Variants in CEACAM21 observed in about 807,000 individuals in gnomAD.
CEACAM21 encodes the protein cell adhesion molecule CEACAM21.
In CEACAM21, 38 loss-of-function variants were observed where a neutral mutation model predicts 33.2. That is an observed-to-expected ratio of 1.14 (90% CI 0.88 to 1.50). The LOEUF is 1.50. Among genes scored for constraint, CEACAM21 ranks in the 40% most tolerant of loss-of-function variants. The probability of loss-of-function intolerance (pLI) is 0.00; values close to 1 mark genes in which losing one functional copy is unlikely to be tolerated. For synonymous variants in CEACAM21, 156 were observed against 143.0 expected (o/e 1.09, Z -0.65); for missense variants, 385 against 364.6 (o/e 1.06, Z -0.46).
At chr19:41,586,129 T>A in intron 6 of CEACAM21, 1 of 602,490 alleles carries the variant, frequency 1.7e-6, no homozygotes, top group Non-Finnish European at 3.0e-6. Flanking sequence ...CCCTGTCCCC[T>A]GACACCCCTC....
chr19:41,559,123 T>C (rs1306587365), intron 1 of CEACAM21, among the ~76,000 whole-genome samples: 2 of 152,222 alleles, frequency 1.3e-5, no homozygotes, highest in Non-Finnish European at 2.9e-5. Context: ...ATTTATGTAT[T>C]TTACTGGAAG....
intron 2 of CEACAM21, chr19:41,565,521 C>T (rs1411975139): frequency 6.6e-6 from 1 of 152,604 alleles, no homozygotes; most frequent in Non-Finnish European, 1.4e-5. Context: ...GGGAGATTTA[C>T]ATCTCCAGTC....
At chr19:41,562,263 A>G (rs1426615771) in intron 1 of CEACAM21, among the ~76,000 whole-genome samples, 1 of 147,806 alleles carries the variant, frequency 6.8e-6, no homozygotes, top group Non-Finnish European at 1.5e-5. Flanking sequence ...AAAACAAAAC[A>G]AAGAAAGAAA....
At chr19:41,553,841 A>G (rs1158837008) in intron 1 of CEACAM21, 1 of 152,128 alleles carries the variant, frequency 6.6e-6, no homozygotes, top group African/African-American at 2.4e-5. Context: ...TAAAATAACC[A>G]GTTTTTCAAA....
chr19:41,576,200 C>T lies in CEACAM21; in HGVS notation c.-75C>T. On this transcript the variant is annotated 5_prime_UTR_variant, in exon 1 of 7. Coordinates refer to ENST00000401445, the MANE Select transcript of CEACAM21 (RefSeq NM_001098506.4). ...GGAAGGACAGCAGAGACAACAGTCA[C>T]AGTAACCCTGTCTAGAGCGTTCCTG... is the stretch of plus-strand genomic sequence containing the variant. The T allele has an allele frequency of 6.4e-7, 1 of 1,551,600 alleles. No homozygotes were observed. The highest frequency in any genetic ancestry group is 8.9e-7 in the Non-Finnish European group (1 of 1,125,452).
intron 1 of CEACAM21, 43 bp from the exon 2 acceptor site, chr19:41,577,157 A>G (rs2043008908): frequency 6.2e-7 from 1 of 1,612,044 alleles, no homozygotes; most frequent in South Asian, 1.1e-5. Flanking sequence ...TTCCATGCCA[A>G]TGCATAGGTC....
chr19:41,552,908 G>A (rs1555784733), intron 1 of CEACAM21, among the ~76,000 whole-genome samples: 1 of 152,112 alleles, frequency 6.6e-6, no homozygotes, highest in Non-Finnish European at 1.5e-5. Context: ...CACAGCTTAG[G>A]TTTCAGTGAT....
chr19:41,584,318 A>C, intron 3 of CEACAM21, 29 bp from the exon 4 acceptor site: 304 of 1,436,966 alleles, frequency 2.1e-4, no homozygotes, highest in Non-Finnish European at 2.7e-4. Context: ...ACAGATTTGG[A>C]CCTCATCCCC....
chr19:41,581,537 G>A (rs935857660), intron 3 of CEACAM21, among the ~76,000 whole-genome samples: 3 of 152,098 alleles, frequency 2.0e-5, no homozygotes, highest in East Asian at 1.9e-4. Context: ...GACCGAGCTG[G>A]TCTTGGCTGC....
chr19:41,579,169 TG>T, intron 2 of CEACAM21, 183 bp from the exon 3 acceptor site: 2 of 935,934 alleles, frequency 2.1e-6, no homozygotes, highest in Non-Finnish European at 3.2e-6. Context: ...TCCTGGTCCC[TG>T]GGGTCTCTGA....
At chr19:41,584,841 C>T (rs149149347) in intron 4 of CEACAM21, among the ~76,000 whole-genome samples, 18 of 152,286 alleles carry the variant, frequency 1.2e-4, no homozygotes, top group South Asian at 8.3e-4. Context: ...ACAGCCTGGA[C>T]GGGCTGGGTG....
At chr19:41,578,968 T>A (rs1555792265) in intron 2 of CEACAM21, among the ~76,000 whole-genome samples, 1 of 152,222 alleles carries the variant, frequency 6.6e-6, no homozygotes, top group East Asian at 1.9e-4. Flanking sequence ...GACTGGGTCC[T>A]GGATGTAGGA....
intron 3 of CEACAM21, 35 bp downstream of exon 3, chr19:41,579,663 T>A: frequency 7.1e-7 from 1 of 1,408,750 alleles, no homozygotes; most frequent in Non-Finnish European, 9.6e-7. Context: ...CTCCTTTCCT[T>A]GTATATTTTC....
chr19:41,576,472 A>G, intron 1 of CEACAM21, 134 bp downstream of exon 1: 11 of 941,578 alleles, frequency 1.2e-5, no homozygotes, highest in Non-Finnish European at 1.5e-5. Context: ...GCGTCTAAGG[A>G]GAACCAAAAA....
At chr19:41,559,246 C>T (rs2041723778) in intron 1 of CEACAM21, among the ~76,000 whole-genome samples, 1 of 152,130 alleles carries the variant, frequency 6.6e-6, no homozygotes, top group Non-Finnish European at 1.5e-5. Flanking sequence ...TGTTTTGTGG[C>T]CACTGTGCTA....
chr19:41,579,699 G>C (rs1555792898), intron 3 of CEACAM21, 71 bp downstream of exon 3: 1 of 1,086,122 alleles, frequency 9.2e-7, no homozygotes, highest in African/African-American at 1.6e-5. Context: ...GGTGTAAAAT[G>C]ATACACGGAA....
At chr19:41,572,311 T>G (rs2042663838), upstream of CEACAM21, among the ~76,000 whole-genome samples, 1 of 152,162 alleles carries the variant, frequency 6.6e-6, no homozygotes, top group Non-Finnish European at 1.5e-5. Context: ...CCTGGCAAGA[T>G]ATACTGTCCC....
At chr19:41,583,264 C>A (rs1555794046) in intron 3 of CEACAM21, among the ~76,000 whole-genome samples, 1 of 152,142 alleles carries the variant, frequency 6.6e-6, no homozygotes, top group Non-Finnish European at 1.5e-5. Flanking sequence ...TCATCTCTGT[C>A]TGAGACCACC....
At chr19:41,574,185 C>G (rs1382225558), upstream of CEACAM21, among the ~76,000 whole-genome samples, 2 of 152,158 alleles carry the variant, frequency 1.3e-5, no homozygotes, top group African/African-American at 4.8e-5. Flanking sequence ...ACAGCCCATA[C>G]AAAAGTTAAC....
Sources: gnomAD v4.1 joint callset for allele counts (sites outside exome capture counted in the v4.1 genomes callset) on GRCh38, gnomAD v4.1.1 for gene constraint, MANE v1.5 for transcripts, NCBI Gene and HGNC (gene_info 2026-07-23, HGNC 2026-07-21) for gene names.